ALG1: variants seen among roughly 807,000 people sequenced by gnomAD.
ALG1 encodes the protein chitobiosyldiphosphodolichol beta-mannosyltransferase.
ALG1 carries 58 observed loss-of-function variants against 55.1 expected under a neutral mutation model. The observed-to-expected ratio is 1.05, with a 90% confidence interval of 0.85 to 1.31. ALG1 has a LOEUF of 1.31. Among genes scored for constraint, ALG1 ranks in the 50% most tolerant of loss-of-function variants. ALG1 has a pLI of 0.00. For missense variants in ALG1, 761 were observed against 598.6 expected, an observed-to-expected ratio of 1.27 and a Z score of -2.83; for synonymous variants, 309 against 247.0, an observed-to-expected ratio of 1.25 and a Z score of -2.35.
At chr16:5,082,777 T>C in intron 11 of ALG1, 104 bp downstream of exon 11, 3 of 1,351,104 alleles carry the variant, frequency 2.2e-6, no homozygotes, top group Non-Finnish European at 3.1e-6. Context: ...TGCCCCTCGG[T>C]CAGTCCGGCA....
intron 5 of ALG1, 111 bp downstream of exon 5, chr16:5,077,645 T>G: frequency 2.5e-6 from 3 of 1,203,398 alleles, no homozygotes; most frequent in Non-Finnish European, 3.7e-6. Flanking sequence ...TTTGAAATAC[T>G]GAGGGCCTGG....
chr16:5,083,552 G>A (rs1957054692), intron 11 of ALG1, 130 bp from the exon 12 acceptor site: 51 of 1,543,654 alleles, frequency 3.3e-5, no homozygotes, highest in Non-Finnish European at 4.4e-5. Flanking sequence ...CCAGCTCCCG[G>A]AAACCACACC....
At chr16:5,084,519 C>T (rs1411245963) in intron 12 of ALG1, 7 of 705,376 alleles carry the variant, frequency 9.9e-6, no homozygotes, top group Middle Eastern at 3.9e-4. Flanking sequence ...GGGAGGTGCT[C>T]CAGGGCACCA....
intron 12 of ALG1, chr16:5,084,333 A>G (rs553994403): frequency 8.1e-6 from 3 of 368,458 alleles, no homozygotes; most frequent in African/African-American, 2.1e-5. Context: ...ATTTACAAAC[A>G]CAGGCTGTGG....
intron 12 of ALG1, chr16:5,084,526 A>C: frequency 1.4e-6 from 1 of 724,086 alleles, no homozygotes; most frequent in Non-Finnish European, 2.3e-6. Flanking sequence ...GCTCCAGGGC[A>C]CCAAGTGTGG....
chr16:5,085,746 A>T lies in ALG1; in HGVS notation c.*865A>T, dbSNP rs765890148. ...TCCCGGCCCGGCCTGGAAACAGAGC[A>T]CATGTGTTTGAGGATGGCGGTGTTT... On this transcript the variant is annotated 3_prime_UTR_variant, in exon 13 of 13. Coordinates refer to ENST00000262374, the MANE Select transcript of ALG1 (RefSeq NM_019109.5). 6.3e-7 allele frequency: 1 copy of T among 1,596,112 alleles called. No individual in the cohort carries two copies. Among genetic ancestry groups the T allele is most frequent in the East Asian group, 2.2e-5 (1 of 44,792 alleles).
At chr16:5,076,747 A>G (rs986805692) in intron 4 of ALG1, among the ~76,000 whole-genome samples, 1 of 151,274 alleles carries the variant, frequency 6.6e-6, no homozygotes, top group Non-Finnish European at 1.5e-5. Context: ...CAGTGGTAGC[A>G]CAGGGTGGCT....
intron 11 of ALG1, 109 bp downstream of exon 11, chr16:5,082,782 C>G: frequency 3.1e-6 from 4 of 1,286,620 alleles, no homozygotes; most frequent in Non-Finnish European, 4.4e-6. Flanking sequence ...CTCGGTCAGT[C>G]CGGCACACAC....
At position 5,075,526 on chromosome 16, in the gene ALG1, C is replaced by T. The variant is rs200194917; in HGVS notation, c.529C>T (p.Leu177=). The part of the protein sequence containing the change: ...VHGPNHPLVL[L]AKWYEKFFGR... Reference sequence around the variant, plus strand: ...TGGCCCCAACCATCCCCTCGTTCTGCTGGCCAAGTGGTGAGAGTCTAGGAA... The same window carrying T: ...TGGCCCCAACCATCCCCTCGTTCTGTTGGCCAAGTGGTGAGAGTCTAGGAA... Residue 177 remains leucine, a synonymous_variant, in exon 4 of 13, where the codon CTG becomes TTG. Transcript: ENST00000262374. 1.9e-5 allele frequency: 31 copies of T among 1,614,138 alleles called. No homozygotes were observed. In the East Asian group the frequency reaches 6.5e-4, roughly 34 times the overall value.
rs528889453 is a variant in ALG1 at position 5,074,483 on chromosome 16, A to G, written c.391-905A>G. ...TTTTAATAGGCAGCCTTGAATTCCA[A>G]TATGTGATGTACTATACTGCATGTA... On this transcript the variant is annotated intron_variant, in intron 3 of 12. Transcript: ENST00000262374. Among the ~76,000 whole-genome samples, 10 of 152,268 alleles carry G rather than the reference A, an allele frequency of 6.6e-5. No individual in the cohort carries two copies. The East Asian group carries it at 1.9e-3, about 29-fold the overall frequency.
chr16:5,083,814 C>T (rs1957061681), intron 12 of ALG1, 57 bp downstream of exon 12: 15 of 1,596,680 alleles, frequency 9.4e-6, no homozygotes, highest in Non-Finnish European at 1.3e-5. Flanking sequence ...TGGCACCGAG[C>T]CAGGCTCCCT....
intron 10 of ALG1, 31 bp from the exon 11 acceptor site, chr16:5,082,528 A>T (rs753767485): frequency 1.5e-5 from 24 of 1,604,330 alleles, no homozygotes; most frequent in Non-Finnish European, 1.7e-5. Flanking sequence ...GGCAGAGACC[A>T]GTGCTCTGAC....
chr16:5,083,062 C>A (rs553282123), intron 11 of ALG1, among the ~76,000 whole-genome samples: 4 of 152,134 alleles, frequency 2.6e-5, no homozygotes, highest in Non-Finnish European at 4.4e-5. Context: ...TTTTTCTCTC[C>A]CACCATGTCC....
In ALG1 at chr16:5,080,970, A is replaced by G; in HGVS notation, c.986A>G (p.Tyr329Cys). 2 of 1,596,370 alleles carry G rather than the reference A, an allele frequency of 1.3e-6. No individual in the cohort carries two copies. The change falls in exon 10 of 13, where the codon TAT (tyrosine) becomes TGT (cysteine). Residue 329 changes from tyrosine to cysteine, a missense_variant. Tyr to Cys is a radical substitution (Grantham distance 194, BLOSUM62 -2). Transcript: ENST00000262374. ...ITGKGPLREY[Y>C]SRLIHQKHFQ... Reference sequence around the variant, plus strand: ...GGCAAAGGGCCTCTGAGGGAGTATTATAGCCGCCTCATCCACCAGAAGCAC... The same window carrying G: ...GGCAAAGGGCCTCTGAGGGAGTATTGTAGCCGCCTCATCCACCAGAAGCAC...
chr16:5,082,779 A>G, intron 11 of ALG1, 106 bp downstream of exon 11: 1 of 1,328,584 alleles, frequency 7.5e-7, no homozygotes. Flanking sequence ...CCCCTCGGTC[A>G]GTCCGGCACA....
Position 5,071,993 on chromosome 16 carries a change from T to C in ALG1, c.144T>C (p.Arg48=), listed in dbSNP as rs1422911234. The C allele has an allele frequency of 6.3e-7, 1 of 1,597,624 alleles. No individual in the cohort carries two copies. Among genetic ancestry groups the C allele is most frequent in the East Asian group, 2.3e-5 (1 of 44,024 alleles). Residue 48 remains arginine, a synonymous_variant, in exon 1 of 13, where the codon CGT becomes CGC. Transcript: ENST00000262374. ...TGGGCGACGTGGGCCGCAGCCCCCG[T>C]ATGCAGTACCACGCGCTGTCGTTGG... ...VVLGDVGRSP[R]MQYHALSLAM... is the part of the protein sequence containing the mutation.
chr16:5,071,964 G>A lies in ALG1; in HGVS notation c.115G>A (p.Val39Met). 6.3e-7 allele frequency: 1 copy of A among 1,590,452 alleles called. No homozygotes were observed. Among genetic ancestry groups the A allele is most frequent in the Non-Finnish European group, 8.6e-7 (1 of 1,168,544 alleles). The change falls in exon 1 of 13, where the codon GTG becomes ATG. Residue 39 changes from valine to methionine, a missense_variant. Physicochemically the swap from Val to Met is conservative, Grantham distance 21. Coordinates refer to ENST00000262374, the MANE Select transcript of ALG1 (RefSeq NM_019109.5). ...GGCGGCCCGGCATGTAGTAGCGGTGGTGCTGGGCGACGTGGGCCGCAGCCC... is the reference window on the plus strand; with the variant it reads ...GGCGGCCCGGCATGTAGTAGCGGTGATGCTGGGCGACGTGGGCCGCAGCCC... Reference protein sequence around the residue: ...GRAARHVVAVVLGDVGRSPRM... With the variant: ...GRAARHVVAVMLGDVGRSPRM...
intron 1 of ALG1, 75 bp downstream of exon 1, chr16:5,072,132 C>A: frequency 1.3e-6 from 2 of 1,548,374 alleles, no homozygotes; most frequent in Non-Finnish European, 8.7e-7. Context: ...CCCGGGGAGT[C>A]GAGGCGGAAG....
chr16:5,079,856 G>C, intron 9 of ALG1, 49 bp downstream of exon 9: 1 of 1,585,858 alleles, frequency 6.3e-7, no homozygotes, highest in Non-Finnish European at 8.6e-7. Context: ...ATGGCGGAGG[G>C]GGAGGGGCAC....
Sources: allele counts gnomAD v4.1 joint callset (sites outside exome capture counted in the v4.1 genomes callset), GRCh38; gene constraint gnomAD v4.1.1; transcripts MANE v1.5; gene names NCBI Gene and HGNC (gene_info 2026-07-23, HGNC 2026-07-21).